Variants in LRP6 observed in about 807,000 individuals in gnomAD.
The protein encoded by LRP6 is LDL receptor related protein 6.
In LRP6, 43 loss-of-function variants were observed where a neutral mutation model predicts 184.1. The observed-to-expected ratio is 0.23, with a 90% CI of 0.18 to 0.30. The LOEUF is 0.30. Ranked by LOEUF, LRP6 falls within the 10% of genes least tolerant of loss-of-function variation. The pLI is 1.00. For missense variants in LRP6, 1,571 were observed against 2,005.3 expected, an observed-to-expected ratio of 0.78 and a Z score of 4.14; for synonymous variants, 719 against 684.9, an observed-to-expected ratio of 1.05 and a Z score of -0.78.
At chr12:12,121,563 A>C (rs755903753) in intron 22 of LRP6, 143 bp from the exon 23 acceptor site, 6 of 737,890 alleles carry the variant, frequency 8.1e-6, no homozygotes, top group Non-Finnish European at 1.4e-5. Context: ...CCAAGAGGCA[A>C]TTTTCAATGG....
chr12:12,187,706 A>G (rs188412880), intron 3 of LRP6, among the ~76,000 whole-genome samples: 19 of 152,344 alleles, frequency 1.2e-4, no homozygotes, highest in Non-Finnish European at 1.5e-4. Context: ...CGCAAACCCC[A>G]GTCTAGCTCC....
rs756899240 is a variant in LRP6 at position 12,266,664 on chromosome 12, G to GC, written c.55+16dup. On this transcript the variant is annotated intron_variant, in intron 1 of 22. Transcript: ENST00000261349. ...CCCCGAACCCCACCAACTTTCCAGT[G>GC]CCCCCACTCTTCCCACCTCTCAGGA... 12 of 1,609,514 alleles carry GC rather than the reference G, an allele frequency of 7.5e-6. No individual in the cohort carries two copies. In the Admixed American group the frequency reaches 1.0e-4, roughly 13 times the overall value.
intron 1 of LRP6, among the ~76,000 whole-genome samples, chr12:12,249,903 T>C (rs1865284508): frequency 6.6e-6 from 1 of 152,156 alleles, no homozygotes; most frequent in South Asian, 2.1e-4. Context: ...CAGTCAATGG[T>C]ACACAATTCT....
intron 15 of LRP6, chr12:12,138,867 G>C: frequency 7.3e-7 from 1 of 1,377,052 alleles, no homozygotes; most frequent in Non-Finnish European, 9.7e-7. Flanking sequence ...AGGAGCAGTG[G>C]TGGTGGACCC....
chr12:12,195,943 G>A (rs373882184), intron 3 of LRP6, among the ~76,000 whole-genome samples: 1 of 152,198 alleles, frequency 6.6e-6, no homozygotes, highest in South Asian at 2.1e-4. Flanking sequence ...TTATTGAAAA[G>A]ACTATCCTTT....
intron 1 of LRP6, among the ~76,000 whole-genome samples, chr12:12,257,309 T>C (rs1865488289): frequency 6.6e-6 from 1 of 152,136 alleles, no homozygotes; most frequent in African/African-American, 2.4e-5. Context: ...CCGGGTGCGG[T>C]GGCTCACGCC....
chr12:12,262,611 C>G (rs956463268), intron 1 of LRP6, among the ~76,000 whole-genome samples: 1 of 151,386 alleles, frequency 6.6e-6, no homozygotes, highest in African/African-American at 2.4e-5. Context: ...TTACACACAC[C>G]GATGGTATTC....
At chr12:12,231,840 C>T (rs1864797739) in intron 2 of LRP6, among the ~76,000 whole-genome samples, 1 of 151,794 alleles carries the variant, frequency 6.6e-6, no homozygotes, top group Admixed American at 6.6e-5. Context: ...CATGGTGAAA[C>T]CCCATCTCTA....
chr12:12,198,893 T>C (rs1863841870), intron 3 of LRP6, among the ~76,000 whole-genome samples: 3 of 152,210 alleles, frequency 2.0e-5, no homozygotes, highest in Admixed American at 2.0e-4. Flanking sequence ...TTTGACTCAT[T>C]TATTTATTTA....
chr12:12,214,288 A>C (rs971430044), intron 2 of LRP6, among the ~76,000 whole-genome samples: 8 of 152,200 alleles, frequency 5.3e-5, no homozygotes, highest in African/African-American at 1.9e-4. Context: ...TTCTTTAATA[A>C]AACATCTCAG....
chr12:12,206,069 G>A (rs1445248436), intron 2 of LRP6, among the ~76,000 whole-genome samples: 5 of 152,168 alleles, frequency 3.3e-5, no homozygotes, highest in South Asian at 2.1e-4. Flanking sequence ...GTACAGGTTC[G>A]TAGCCTAGCA....
At chr12:12,235,114 C>A (rs1295402233) in intron 2 of LRP6, among the ~76,000 whole-genome samples, 1 of 152,002 alleles carries the variant, frequency 6.6e-6, no homozygotes, top group African/African-American at 2.4e-5. Flanking sequence ...TCACATAACA[C>A]CAAAGTAAAT....
rs1049122201 is a variant in LRP6 at position 12,120,133 on chromosome 12, A to T, written c.*993T>A. 6 of 149,942 alleles carry T rather than the reference A, an allele frequency of 4.0e-5. No individual in the cohort carries two copies. Among genetic ancestry groups the T allele is most frequent in the Non-Finnish European group, 7.4e-5 (5 of 67,580 alleles). 9.3% of individuals were successfully genotyped at this position (149,942 alleles called of 1,614,324 possible). On this transcript the variant is annotated 3_prime_UTR_variant, in exon 23 of 23. Transcript: ENST00000261349. ...TAATGGTTAAATTTTTAATTCTTAA[A>T]CATTGTCTATATGTGTTGTAAAAAG...
At chr12:12,217,537 A>C (rs1183842374) in intron 2 of LRP6, among the ~76,000 whole-genome samples, 1 of 152,302 alleles carries the variant, frequency 6.6e-6, no homozygotes, top group East Asian at 1.9e-4. Flanking sequence ...GTCTTCCACA[A>C]AACCAGTCCC....
intron 3 of LRP6, among the ~76,000 whole-genome samples, chr12:12,195,645 G>A (rs1029592430): frequency 2.6e-5 from 4 of 152,046 alleles, no homozygotes; most frequent in African/African-American, 4.8e-5. Flanking sequence ...TCTGTAGGTC[G>A]TCTTTTCACT....
At chr12:12,181,925 G>C (rs1029709621) in intron 5 of LRP6, among the ~76,000 whole-genome samples, 3 of 152,136 alleles carry the variant, frequency 2.0e-5, no homozygotes, top group Non-Finnish European at 4.4e-5. Context: ...TCACCGAATT[G>C]TACAATTTAA....
At chr12:12,237,507 T>C (rs1264854807) in intron 2 of LRP6, among the ~76,000 whole-genome samples, 8 of 151,994 alleles carry the variant, frequency 5.3e-5, no homozygotes, top group Non-Finnish European at 1.5e-5. Context: ...CTCAAATATA[T>C]ATTGCAAGGG....
rs1228214369 is a variant in LRP6, at chr12:12,198,333, TTCAG to T, written c.647+4866_647+4869del. On this transcript the variant is annotated intron_variant, in intron 3 of 22. Transcript: ENST00000261349. The stretch of plus-strand genomic sequence containing the variant: ...GTATGTTGTTTCTTCTTTGCCTATC[TTCAG>T]TATTTATCATTTTCTCTCAAATCAT... Among the ~76,000 whole-genome samples, 17 of 152,306 alleles carry T rather than the reference TTCAG, an allele frequency of 1.1e-4. No individual in the cohort carries two copies. In the East Asian group the frequency reaches 3.1e-3, roughly 28 times the overall value.
chr12:12,214,473 T>C (rs1864288732), intron 2 of LRP6, among the ~76,000 whole-genome samples: 1 of 152,212 alleles, frequency 6.6e-6, no homozygotes, highest in Admixed American at 6.5e-5. Context: ...CTATGTTATA[T>C]AGTAAGAACC....
Sources: gnomAD v4.1 joint callset for allele counts (sites outside exome capture counted in the v4.1 genomes callset) on GRCh38, gnomAD v4.1.1 for gene constraint, MANE v1.5 for transcripts, NCBI Gene and HGNC (gene_info 2026-07-23, HGNC 2026-07-21) for gene names.